SLC7A7: variants seen among roughly 807,000 people sequenced by gnomAD.
The protein encoded by SLC7A7 is solute carrier family 7 member 7.
A neutral mutation model predicts 47.9 loss-of-function variants in SLC7A7; 39 were observed. The ratio of observed to expected loss-of-function variants is 0.81; its 90% CI spans 0.63 to 1.06. The LOEUF is 1.06. Ranked by LOEUF, SLC7A7 falls within the 50% of genes least tolerant of loss-of-function variation. The pLI is 0.00. For synonymous variants in SLC7A7, 234 were observed against 242.8 expected, an observed-to-expected ratio of 0.96 and a Z score of 0.34; for missense variants, 588 against 632.0, an observed-to-expected ratio of 0.93 and a Z score of 0.75.
At chr14:22,814,977 C>T in intron 1 of SLC7A7, 1 of 230,244 alleles carries the variant, frequency 4.3e-6, no homozygotes, top group Non-Finnish European at 8.8e-6. Context: ...ACATCAGCAT[C>T]GTTGAATCAC....
chr14:22,780,169 A>T, intron 2 of SLC7A7, 118 bp from the exon 3 acceptor site: 2 of 1,405,550 alleles, frequency 1.4e-6, no homozygotes, highest in Non-Finnish European at 2.0e-6. Flanking sequence ...CCAAAGACAG[A>T]CCCTCTGACC....
At chr14:22,786,307 A>T (rs2038816499) in intron 2 of SLC7A7, among the ~76,000 whole-genome samples, 1 of 75,810 alleles carries the variant, frequency 1.3e-5, no homozygotes, top group Non-Finnish European at 2.8e-5. Flanking sequence ...ACAGAGCAAG[A>T]CTCCATCTAA....
At chr14:22,800,954 A>C (rs1484993440) in intron 2 of SLC7A7, among the ~76,000 whole-genome samples, 1 of 152,020 alleles carries the variant, frequency 6.6e-6, no homozygotes, top group African/African-American at 2.4e-5. Context: ...AAAGAAAAAA[A>C]AGAAGCCCAG....
chr14:22,788,618 C>T (rs6572753), intron 2 of SLC7A7, among the ~76,000 whole-genome samples: 118,849 of 150,300 alleles, frequency 0.79, 47,158 homozygotes, highest in East Asian at 0.97. Context: ...GCAGGAGAAT[C>T]GCTTGAACCC....
rs386833820 is a variant in SLC7A7, at chr14:22,779,980, T to A, written c.571A>T (p.Lys191Ter). The change falls in exon 3 of 10, where the codon AAA (lysine) becomes TAA (stop). Residue 191 changes from lysine to a stop codon, truncating the protein, a stop_gained. Coordinates refer to ENST00000674313, the MANE Select transcript of SLC7A7 (RefSeq NM_003982.4). LOFTEE classifies it high-confidence loss of function. ...TLVQDIFTYA[K>*]VLALIAVIVA... Reference sequence around the variant, plus strand: ...ATGACCGCGATCAGTGCCAATACTTTAGCATAGGTGAAAATATCTTGTACC... The same window carrying A: ...ATGACCGCGATCAGTGCCAATACTTAAGCATAGGTGAAAATATCTTGTACC... 1 of 1,614,160 alleles carries A rather than the reference T, an allele frequency of 6.2e-7. No individual in the cohort carries two copies. The highest frequency in any genetic ancestry group is 1.1e-5 in the South Asian group (1 of 91,080).
Position 22,775,880 on chromosome 14 carries a change from T to A in SLC7A7, c.951A>T (p.Ala317=). Residue 317 remains alanine, a synonymous_variant, in exon 6 of 10, where the codon GCA becomes GCT. Coordinates refer to ENST00000674313, the MANE Select transcript of SLC7A7 (RefSeq NM_003982.4). ...CATTGAGGCCACCAAAACAGGATAA[T>A]GCAACTGACAGTGGAATTATCCAGT... The part of the protein sequence containing the change: ...IFNWIIPLSV[A]LSCFGGLNAS... 1 of 1,614,102 alleles carries A rather than the reference T, an allele frequency of 6.2e-7. No individual in the cohort carries two copies. Among genetic ancestry groups the A allele is most frequent in the Non-Finnish European group, 8.5e-7 (1 of 1,180,008 alleles).
intron 2 of SLC7A7, among the ~76,000 whole-genome samples, chr14:22,792,405 A>C (rs956822986): frequency 5.3e-5 from 8 of 152,078 alleles, no homozygotes; most frequent in Non-Finnish European, 4.4e-5. Flanking sequence ...TCTACAAAAA[A>C]ATTACAAATT....
chr14:22,800,704 C>T (rs949878975), intron 2 of SLC7A7, among the ~76,000 whole-genome samples: 9 of 151,990 alleles, frequency 5.9e-5, no homozygotes, highest in Middle Eastern at 3.4e-3. Context: ...TTTGGGAGGC[C>T]GAGGCGGGTA....
intron 2 of SLC7A7, among the ~76,000 whole-genome samples, chr14:22,793,201 A>G (rs12888481): frequency 0.87 from 131,426 of 151,766 alleles, 57,823 homozygotes; most frequent in East Asian, 0.98. Context: ...ACAGGCGTAA[A>G]CCACCACGCC....
In SLC7A7 at chr14:22,782,682, G is replaced by A. The variant is rs555909427; in HGVS notation, c.500-2631C>T. Among the ~76,000 whole-genome samples the A allele has an allele frequency of 5.3e-5, 8 of 150,822 alleles. No individual in the cohort carries two copies. In the South Asian group the frequency reaches 1.3e-3, roughly 24 times the overall value. ...TCACCATACTGGCCAGGCTAATCTC[G>A]AACTCCTGAGCTCAGGTGATCCGCC... On this transcript the variant is annotated intron_variant, in intron 2 of 9. Coordinates refer to ENST00000674313, the MANE Select transcript of SLC7A7 (RefSeq NM_003982.4).
upstream of SLC7A7, chr14:22,816,270 T>C: frequency 6.5e-6 from 1 of 154,496 alleles, no homozygotes; most frequent in Non-Finnish European, 1.4e-5. Context: ...GGCAGGCGGA[T>C]CACAAGGTCA....
chr14:22,800,693 G>A (rs1594971465), intron 2 of SLC7A7, among the ~76,000 whole-genome samples: 1 of 8,546 alleles, frequency 1.2e-4, no homozygotes, highest in African/African-American at 2.0e-4. Flanking sequence ...CTAACACTTT[G>A]TTTGGGAGGC....
intron 2 of SLC7A7, among the ~76,000 whole-genome samples, chr14:22,810,474 A>AAAAAAAAG (rs2039288710): frequency 6.6e-6 from 1 of 151,562 alleles, no homozygotes; most frequent in African/African-American, 2.4e-5. Context: ...AAAAAAAAAA[A>AAAAAAAAG]AAAAATAGAT....
At chr14:22,783,221 C>A (rs1230615730) in intron 2 of SLC7A7, among the ~76,000 whole-genome samples, 1 of 151,748 alleles carries the variant, frequency 6.6e-6, no homozygotes, top group Non-Finnish European at 1.5e-5. Context: ...TGTGAGCCAC[C>A]GTGCCTGGCT....
At chr14:22,785,770 C>A (rs2038802267) in intron 2 of SLC7A7, among the ~76,000 whole-genome samples, 1 of 150,518 alleles carries the variant, frequency 6.6e-6, no homozygotes, top group Admixed American at 6.6e-5. Flanking sequence ...ACGCTGTAAT[C>A]CCAGCACTTT....
At chr14:22,780,453 T>C in intron 2 of SLC7A7, 1 of 240,414 alleles carries the variant, frequency 4.2e-6, no homozygotes, top group Non-Finnish European at 8.3e-6. Context: ...GACACAGCAC[T>C]CTGACTCTGT....
chr14:22,792,007 T>C (rs1419710601), intron 2 of SLC7A7, among the ~76,000 whole-genome samples: 1 of 151,960 alleles, frequency 6.6e-6, no homozygotes, highest in Admixed American at 6.6e-5. Context: ...GCTAATTTTT[T>C]TGTACTCTTA....
rs182333936 is a variant in SLC7A7, at chr14:22,777,839, T to C, written c.770+954A>G. On this transcript the variant is annotated intron_variant, in intron 4 of 9. Coordinates refer to ENST00000674313, the MANE Select transcript of SLC7A7 (RefSeq NM_003982.4). ...CTGTAATCCCAGCACTTTGGGAGGC[T>C]AAGGCGGGCGGATCACCTGAGGTCA... Among the ~76,000 whole-genome samples, 371 of 152,276 alleles carry C rather than the reference T, an allele frequency of 2.4e-3. 1 individual carries two copies. The highest frequency in any genetic ancestry group is 8.5e-3 in the African/African-American group (353 of 41,568).
rs2038577425 is a variant in SLC7A7 at position 22,775,249 on chromosome 14, T to A, written c.1095+195A>T. Among the ~76,000 whole-genome samples, 4 of 122,046 alleles carry A rather than the reference T, an allele frequency of 3.3e-5. No homozygotes were observed. The South Asian group carries it at 1.0e-3, about 31-fold the overall frequency. The allele number at this position is 122,046 out of a possible 152,430, so 80.1% of individuals were successfully genotyped here. A position where few individuals can be genotyped will look rare whatever the true frequency, so the allele number is the denominator to read the frequency against. On this transcript the variant is annotated intron_variant, in intron 7 of 9. Transcript: ENST00000674313. ...TTTGCCTTATCTTAGAGCAGAGGTGTACCATTCCTTAGAGCATTTGGATTT... is the reference window on the plus strand; with the variant it reads ...TTTGCCTTATCTTAGAGCAGAGGTGAACCATTCCTTAGAGCATTTGGATTT...
Sources: allele counts gnomAD v4.1 joint callset (sites outside exome capture counted in the v4.1 genomes callset), GRCh38; gene constraint gnomAD v4.1.1; transcripts MANE v1.5; gene names NCBI Gene and HGNC (gene_info 2026-07-23, HGNC 2026-07-21).